PRKG1: variants seen among roughly 807,000 people sequenced by gnomAD.
PRKG1 encodes the protein protein kinase cGMP-dependent 1, also known as cGMP-dependent protein kinase 1.
Under a neutral mutation model 88.1 loss-of-function variants are expected in PRKG1, and 35 were observed. That is an observed-to-expected ratio of 0.40 (90% CI 0.30 to 0.53). The LOEUF is 0.53. PRKG1 is among the 20% of genes least tolerant of loss of function. PRKG1 has a pLI of 0.59. For synonymous variants in PRKG1, 303 were observed against 292.5 expected (o/e 1.04, Z -0.37); for missense variants, 540 against 839.8 (o/e 0.64, Z 4.41).
At chr10:51,858,785 G>C (rs1224524999) in intron 4 of PRKG1, among the ~76,000 whole-genome samples, 1 of 151,910 alleles carries the variant, frequency 6.6e-6, no homozygotes, top group South Asian at 2.1e-4. Flanking sequence ...ATTCAATAAA[G>C]GCACTTTCAA....
chr10:51,077,292 C>G (rs560250207), intron 1 of PRKG1, among the ~76,000 whole-genome samples: 2 of 152,164 alleles, frequency 1.3e-5, no homozygotes, highest in African/African-American at 2.4e-5. Context: ...TTTACTACAT[C>G]TTAAATGTAG....
intron 5 of PRKG1, among the ~76,000 whole-genome samples, chr10:51,997,254 C>T (rs566077717): frequency 6.8e-4 from 103 of 151,960 alleles, no homozygotes; most frequent in African/African-American, 2.4e-3. Flanking sequence ...AGGCGGATCA[C>T]GAGGTCAAGA....
chr10:51,538,183 C>T lies in PRKG1; in HGVS notation c.592+70347C>T, dbSNP rs114028186. Among the ~76,000 whole-genome samples the T allele has an allele frequency of 8.3e-3, 1,269 of 151,982 alleles. 19 individuals are homozygous for T. Among genetic ancestry groups the T allele is most frequent in the African/African-American group, 0.029 (1,203 of 41,476 alleles). On this transcript the variant is annotated intron_variant, in intron 3 of 17. Transcript: ENST00000373980. Reference sequence around the variant, plus strand: ...CTGTTCAAACAATAATGTGTTTGTCCGTGTAGCTTAATCATGTGCATAATT... The same window carrying T: ...CTGTTCAAACAATAATGTGTTTGTCTGTGTAGCTTAATCATGTGCATAATT...
chr10:51,699,766 A>T (rs925021926), intron 3 of PRKG1, among the ~76,000 whole-genome samples: 3 of 152,202 alleles, frequency 2.0e-5, no homozygotes, highest in Non-Finnish European at 4.4e-5. Context: ...TCAGCTTCTT[A>T]TTACAGAGTC....
intron 5 of PRKG1, among the ~76,000 whole-genome samples, chr10:52,016,026 A>C (rs939925907): frequency 6.6e-6 from 1 of 152,208 alleles, no homozygotes; most frequent in Non-Finnish European, 1.5e-5. Context: ...ACTGTCCTTC[A>C]TCTTCTTGTC....
intron 1 of PRKG1, among the ~76,000 whole-genome samples, chr10:51,100,226 A>G (rs538835868): frequency 2.0e-3 from 302 of 152,340 alleles, no homozygotes; most frequent in Non-Finnish European, 3.4e-3. Context: ...ATTACTTAAC[A>G]TATTCTATTG....
intron 3 of PRKG1, among the ~76,000 whole-genome samples, chr10:51,581,843 C>A (rs1197552723): frequency 6.6e-6 from 1 of 151,612 alleles, no homozygotes; most frequent in Non-Finnish European, 1.5e-5. Context: ...ATCTTTTATT[C>A]CATAGCAATA....
intron 3 of PRKG1, among the ~76,000 whole-genome samples, chr10:51,754,052 G>T (rs369405762): frequency 6.6e-6 from 1 of 151,966 alleles, no homozygotes; most frequent in Non-Finnish European, 1.5e-5. Flanking sequence ...TGACCTCAGG[G>T]AGTCATTAGC....
intron 3 of PRKG1, among the ~76,000 whole-genome samples, chr10:51,633,167 C>T (rs908867573): frequency 2.0e-5 from 3 of 152,086 alleles, no homozygotes; most frequent in Non-Finnish European, 2.9e-5. Flanking sequence ...TGAATTAATT[C>T]TCAGTGGCCT....
intron 5 of PRKG1, among the ~76,000 whole-genome samples, chr10:51,934,426 A>C (rs1232946652): frequency 2.0e-5 from 3 of 152,198 alleles, no homozygotes; most frequent in African/African-American, 7.2e-5. Flanking sequence ...CACACTTTTG[A>C]AATCTATTGA....
chr10:51,690,750 A>C (rs2132390014), intron 3 of PRKG1, among the ~76,000 whole-genome samples: 1 of 151,876 alleles, frequency 6.6e-6, no homozygotes, highest in Admixed American at 6.6e-5. Flanking sequence ...ATATGGTGAA[A>C]CCCCGTCTCT....
rs138475875 is a variant in PRKG1 at position 51,258,641 on chromosome 10, T to C, written c.478+105311T>C. 1.5e-3 allele frequency among the ~76,000 whole-genome samples: 231 copies of C among 152,340 alleles called. No homozygotes were observed. The East Asian group carries it at 0.023, about 15-fold the overall frequency. On this transcript the variant is annotated intron_variant, in intron 2 of 17. Coordinates refer to ENST00000373980, the MANE Select transcript of PRKG1 (RefSeq NM_006258.4). ...GTCTAGTCAGTGGAGGATGGGTCAG[T>C]ACTCCTGCTTCAGTGACTGTGTGGC...
intron 3 of PRKG1, among the ~76,000 whole-genome samples, chr10:51,603,993 G>A (rs1014177005): frequency 1.8e-4 from 27 of 151,936 alleles, no homozygotes; most frequent in African/African-American, 6.0e-4. Context: ...CCCCACTTCT[G>A]TGTCCTTATA....
At chr10:51,891,936 G>A (rs77436895) in intron 4 of PRKG1, among the ~76,000 whole-genome samples, 8,489 of 152,202 alleles carry the variant, frequency 0.056, 293 homozygotes, top group Middle Eastern at 0.1. Context: ...CAGGAAAAAG[G>A]GAAGGAAGGA....
intron 5 of PRKG1, among the ~76,000 whole-genome samples, chr10:51,924,702 G>C (rs980548288): frequency 1.4e-5 from 2 of 139,132 alleles, no homozygotes; most frequent in Non-Finnish European, 3.0e-5. Flanking sequence ...TTGTCCCTCA[G>C]TTCTCGAATA....
chr10:52,139,027 T>G (rs569398825), intron 8 of PRKG1, among the ~76,000 whole-genome samples: 143 of 152,198 alleles, frequency 9.4e-4, no homozygotes, highest in African/African-American at 3.3e-3. Flanking sequence ...GTTGGCAAAC[T>G]AAAGACTATT....
chr10:51,597,742 G>A (rs887305573), intron 3 of PRKG1, among the ~76,000 whole-genome samples: 5 of 152,126 alleles, frequency 3.3e-5, no homozygotes, highest in African/African-American at 1.2e-4. Context: ...AGTAATAGAA[G>A]TGTGAGAATT....
chr10:52,290,508 T>G (rs1443823002), intron 17 of PRKG1, among the ~76,000 whole-genome samples: 1 of 152,214 alleles, frequency 6.6e-6, no homozygotes, highest in Non-Finnish European at 1.5e-5. Context: ...TTCTCTTTTT[T>G]AACTATTCAT....
intron 2 of PRKG1, among the ~76,000 whole-genome samples, chr10:51,387,477 C>T (rs1205203961): frequency 6.6e-6 from 1 of 151,776 alleles, no homozygotes; most frequent in African/African-American, 2.4e-5. Flanking sequence ...AAAGTCCTTG[C>T]AGTCCATCAC....
Sources: allele counts gnomAD v4.1 joint callset (sites outside exome capture counted in the v4.1 genomes callset), GRCh38; gene constraint gnomAD v4.1.1; transcripts MANE v1.5; gene names NCBI Gene and HGNC (gene_info 2026-07-23, HGNC 2026-07-21).